The following ST3GAL3 variants were observed in gnomAD, a reference collection of about 807,000 sequenced individuals.
ST3GAL3 encodes ST3 beta-galactoside alpha-2,3-sialyltransferase 3.
ST3GAL3 carries 21 observed loss-of-function variants against 50.1 expected under a neutral mutation model. The observed-to-expected ratio is 0.42, with a 90% CI of 0.30 to 0.60. The LOEUF is 0.60. Ranked by LOEUF, ST3GAL3 falls within the 20% of genes least tolerant of loss-of-function variation. The pLI is 0.19. For missense variants in ST3GAL3, 353 were observed against 489.4 expected (o/e 0.72, Z 2.63); for synonymous variants, 183 against 190.0 (o/e 0.96, Z 0.30).
At chr1:43,847,863 T>G (rs2066514235) in intron 5 of ST3GAL3, among the ~76,000 whole-genome samples, 1 of 152,192 alleles carries the variant, frequency 6.6e-6, no homozygotes, top group Non-Finnish European at 1.5e-5. Flanking sequence ...ACTCACAAAG[T>G]TTTCTTTACT....
At chr1:43,891,075 T>C (rs2076618450) in intron 5 of ST3GAL3, among the ~76,000 whole-genome samples, 2 of 152,286 alleles carry the variant, frequency 1.3e-5, no homozygotes, top group East Asian at 1.9e-4. Context: ...GTAAATACCA[T>C]TACCAATTAA....
intron 4 of ST3GAL3, among the ~76,000 whole-genome samples, chr1:43,820,689 G>A (rs778536134): frequency 2.6e-5 from 4 of 151,774 alleles, no homozygotes; most frequent in Admixed American, 6.6e-5. Flanking sequence ...GTATCTACAT[G>A]ACAAAATCAC....
intron 5 of ST3GAL3, among the ~76,000 whole-genome samples, chr1:43,863,966 G>A (rs1417061289): frequency 7.7e-6 from 1 of 130,130 alleles, no homozygotes; most frequent in African/African-American, 2.9e-5. Context: ...AGAGGTCTAG[G>A]GGAGAGTGAC....
intron 1 of ST3GAL3, among the ~76,000 whole-genome samples, chr1:43,718,299 C>A (rs1355078973): frequency 6.8e-6 from 1 of 146,088 alleles, no homozygotes; most frequent in Non-Finnish European, 1.5e-5. Flanking sequence ...ACGCCATTCT[C>A]CTGCCTCAGC....
At chr1:43,768,682 G>A (rs925353957) in intron 2 of ST3GAL3, among the ~76,000 whole-genome samples, 3 of 152,064 alleles carry the variant, frequency 2.0e-5, no homozygotes, top group South Asian at 2.1e-4. Context: ...AATAATATCC[G>A]ACTAAAACTG....
chr1:43,765,936 CA>C (rs3842543), intron 2 of ST3GAL3, among the ~76,000 whole-genome samples: 104,967 of 151,858 alleles, frequency 0.69, 36,613 homozygotes, highest in Non-Finnish European at 0.73. Flanking sequence ...CACATGGTAA[CA>C]ATGGAGATAG....
In ST3GAL3 at chr1:43,854,063, G is replaced by A. The variant is rs144464094; in HGVS notation, c.302+15752G>A. Among the ~76,000 whole-genome samples the A allele has an allele frequency of 4.6e-5, 7 of 152,306 alleles. No individual in the cohort carries two copies. In the East Asian group the frequency reaches 1.4e-3, roughly 29 times the overall value. On this transcript the variant is annotated intron_variant, in intron 5 of 11. Coordinates refer to ENST00000347631, the MANE Select transcript of ST3GAL3 (RefSeq NM_006279.5). ...ATCACTACAACACCAGGGAGGGGTA[G>A]TAAGATTGAGAGGCGTCCTTGCCAA...
In ST3GAL3 at chr1:43,794,562, A is replaced by G. The variant is rs140238165; in HGVS notation, c.166+2413A>G. The stretch of plus-strand genomic sequence containing the variant: ...TGACTTAGCAATTCCTCCTCTAGGT[A>G]TATTATCTGCAGAAATGGATGCTTA... On this transcript the variant is annotated intron_variant, in intron 3 of 11. Coordinates refer to ENST00000347631, the MANE Select transcript of ST3GAL3 (RefSeq NM_006279.5). Among the ~76,000 whole-genome samples the G allele has an allele frequency of 4.7e-3, 713 of 152,348 alleles. 7 individuals carry two copies. The highest frequency in any genetic ancestry group is 0.018 in the South Asian group (89 of 4,826).
At chr1:43,909,844 C>T (rs916399504) in intron 9 of ST3GAL3, among the ~76,000 whole-genome samples, 1 of 152,180 alleles carries the variant, frequency 6.6e-6, no homozygotes, top group Non-Finnish European at 1.5e-5. Context: ...GAACAGATCA[C>T]ACAGAAAGAA....
intron 2 of ST3GAL3, among the ~76,000 whole-genome samples, chr1:43,754,638 T>G (rs1196125403): frequency 6.6e-6 from 1 of 152,070 alleles, no homozygotes; most frequent in Non-Finnish European, 1.5e-5. Flanking sequence ...GACTAAAGAT[T>G]TAAATGAGAC....
At chr1:43,826,389 C>A (rs1394630381) in intron 4 of ST3GAL3, among the ~76,000 whole-genome samples, 2 of 152,110 alleles carry the variant, frequency 1.3e-5, no homozygotes, top group East Asian at 1.9e-4. Context: ...AGAAAAAGAC[C>A]ATCTGAATAA....
intron 1 of ST3GAL3, among the ~76,000 whole-genome samples, chr1:43,729,355 C>T (rs968816131): frequency 3.3e-5 from 5 of 152,170 alleles, no homozygotes; most frequent in African/African-American, 9.6e-5. Context: ...ACGGGGATTA[C>T]AGGTGTGAGC....
intron 1 of ST3GAL3, among the ~76,000 whole-genome samples, chr1:43,725,855 G>C (rs1164664261): frequency 6.6e-6 from 1 of 151,990 alleles, no homozygotes; most frequent in East Asian, 1.9e-4. Context: ...ATGTTGCCCA[G>C]GCTAATCTCG....
At chr1:43,748,231 A>G (rs1157607272) in intron 2 of ST3GAL3, among the ~76,000 whole-genome samples, 2 of 152,152 alleles carry the variant, frequency 1.3e-5, no homozygotes, top group African/African-American at 4.8e-5. Flanking sequence ...AAACAACATT[A>G]TTTGCAATAG....
intron 1 of ST3GAL3, among the ~76,000 whole-genome samples, chr1:43,712,504 G>A (rs1665285067): frequency 1.3e-5 from 2 of 152,176 alleles, no homozygotes; most frequent in African/African-American, 4.8e-5. Flanking sequence ...TGAAGGACAT[G>A]TCCCTGGCCT....
chr1:43,861,225 C>T (rs150242240), intron 5 of ST3GAL3, among the ~76,000 whole-genome samples: 1 of 152,336 alleles, frequency 6.6e-6, no homozygotes, highest in East Asian at 1.9e-4. Flanking sequence ...TCATGTTAAA[C>T]ATCAGCCTCC....
intron 11 of ST3GAL3, among the ~76,000 whole-genome samples, chr1:43,926,897 C>T (rs1012313194): frequency 3.9e-5 from 6 of 152,176 alleles, no homozygotes; most frequent in African/African-American, 1.4e-4. Flanking sequence ...AGGATAATAT[C>T]ATGAACTCCC....
At chr1:43,853,220 C>T (rs2067679015) in intron 5 of ST3GAL3, among the ~76,000 whole-genome samples, 1 of 152,184 alleles carries the variant, frequency 6.6e-6, no homozygotes, top group South Asian at 2.1e-4. Context: ...TGTGGCCAAA[C>T]AGTTTCAGCA....
At chr1:43,903,891 G>C (rs575859976) in intron 9 of ST3GAL3, among the ~76,000 whole-genome samples, 3 of 152,294 alleles carry the variant, frequency 2.0e-5, no homozygotes, top group South Asian at 4.1e-4. Context: ...CAGTGGATGA[G>C]TAGTGCTGTG....
Sources: allele counts gnomAD v4.1 joint callset (sites outside exome capture counted in the v4.1 genomes callset), GRCh38; gene constraint gnomAD v4.1.1; transcripts MANE v1.5; gene names NCBI Gene and HGNC (gene_info 2026-07-23, HGNC 2026-07-21).